Variants in SSTR1 observed in about 807,000 individuals in gnomAD.
SSTR1 encodes the protein somatostatin receptor 1.
In SSTR1, 10 loss-of-function variants were observed where a neutral mutation model predicts 20.7. That is an observed-to-expected ratio of 0.48 (90% CI 0.30 to 0.82). SSTR1 has a LOEUF of 0.82. Ranked by LOEUF, SSTR1 falls within the 40% of genes least tolerant of loss-of-function variation. The pLI, the probability that SSTR1 is intolerant of heterozygous loss-of-function variation, is 0.07. For synonymous variants in SSTR1, 267 were observed against 227.8 expected (o/e 1.17, Z -1.55); for missense variants, 494 against 540.0 (o/e 0.91, Z 0.84).
rs1172123933 is a variant in SSTR1 at position 38,209,738 on chromosome 14, T to G, written c.349T>G (p.Ser117Ala). 2 of 1,613,938 alleles carry G rather than the reference T, an allele frequency of 1.2e-6. No homozygotes were observed. The highest frequency in any genetic ancestry group is 3.3e-4 in the Middle Eastern group (2 of 6,084). Residue 117 changes from serine (S) to alanine (A), a missense_variant, in exon 3 of 3, where the codon TCC (serine) becomes GCC (alanine). Physicochemically the swap from Ser to Ala is moderately conservative, Grantham distance 99. This residue lies in a region of SSTR1 where 116 missense variants were observed against 174.6 expected (regional missense o/e 0.66). Coordinates refer to ENST00000267377, the MANE Select transcript of SSTR1 (RefSeq NM_001049.3). ...LMLSVPFLVT[S>A]TLLRHWPFGA... ...GCTCAGCGTGCCCTTCCTAGTCACC[T>G]CCACGTTGTTGCGCCACTGGCCCTT...
In SSTR1 at chr14:38,209,569, G is replaced by T. The variant is rs770081642; in HGVS notation, c.180G>T (p.Leu60=). Residue 60 remains leucine, a synonymous_variant, in exon 3 of 3, where the codon CTG becomes CTT. Transcript: ENST00000267377. Reference sequence around the variant, plus strand: ...GCGAGGGCCAGGGCAGCGCCATCCTGATCTCTTTCATCTACTCCGTGGTGT... The same window carrying T: ...GCGAGGGCCAGGGCAGCGCCATCCTTATCTCTTTCATCTACTCCGTGGTGT... ...TLSEGQGSAI[L]ISFIYSVVCL... is the part of the protein sequence containing the mutation. 3 of 1,612,052 alleles carry T rather than the reference G, an allele frequency of 1.9e-6. No homozygotes were observed. Among genetic ancestry groups the T allele is most frequent in the Non-Finnish European group, 2.5e-6 (3 of 1,178,760 alleles).
rs139493269 is a variant in SSTR1 at position 38,212,800 on chromosome 14, G to A, written c.*2235G>A. 843 of 167,138 alleles carry A rather than the reference G, an allele frequency of 5.0e-3. 5 individuals are homozygous for A. The highest frequency in any genetic ancestry group is 7.6e-3 in the Non-Finnish European group (520 of 68,104). 10.4% of individuals were successfully genotyped at this position (167,138 alleles called of 1,614,324 possible). ...ACAACTTTGTGCTTTCCTGAAAGCA[G>A]TAACCAAGAGTTAAGATATCCCTAA... On this transcript the variant is annotated 3_prime_UTR_variant, in exon 3 of 3. Transcript: ENST00000267377.
chr14:38,209,560 C>A lies in SSTR1; in HGVS notation c.171C>A (p.Ser57Arg). The change falls in exon 3 of 3, where the codon AGC becomes AGA. Residue 57 changes from serine (S) to arginine (R), a missense_variant. Physicochemically the swap from Ser to Arg is moderately radical, Grantham distance 110 (BLOSUM62 -1). This residue lies in a region of SSTR1 where 116 missense variants were observed against 174.6 expected (regional missense o/e 0.66). Transcript: ENST00000267377. ...GGACCTTGAGCGAGGGCCAGGGCAGCGCCATCCTGATCTCTTTCATCTACT... is the reference window on the plus strand; with the variant it reads ...GGACCTTGAGCGAGGGCCAGGGCAGAGCCATCCTGATCTCTTTCATCTACT... ...QNGTLSEGQGSAILISFIYSV... is the reference protein window; with the variant it reads ...QNGTLSEGQGRAILISFIYSV... 6.2e-7 allele frequency: 1 copy of A among 1,609,434 alleles called. No individual in the cohort carries two copies. Among genetic ancestry groups the A allele is most frequent in the Non-Finnish European group, 8.5e-7 (1 of 1,177,192 alleles).
At chr14:38,208,739 G>A (rs1883261716) in intron 2 of SSTR1, 130 bp downstream of exon 2, 1 of 152,604 alleles carries the variant, frequency 6.6e-6, no homozygotes, top group Non-Finnish European at 1.5e-5. Context: ...GGGCAGCAAT[G>A]GAGGGAAACT....
Position 38,209,229 on chromosome 14 carries a change from C to T in SSTR1, c.-161C>T. The T allele has an allele frequency of 1.1e-6, 1 of 905,308 alleles. No homozygotes were observed. The highest frequency in any genetic ancestry group is 1.5e-6 in the Non-Finnish European group (1 of 668,338). The allele number at this position is 905,308 out of a possible 1,614,324, so 56.1% of individuals were successfully genotyped here. On this transcript the variant is annotated 5_prime_UTR_variant, in exon 3 of 3. Coordinates refer to ENST00000267377, the MANE Select transcript of SSTR1 (RefSeq NM_001049.3). ...GCTGGGCTGTGCGCCCCGCCGGCGC[C>T]GGTAGGAGCCGCGCTCCCCGCAGCG...
chr14:38,210,718 C>T lies in SSTR1; in HGVS notation c.*153C>T. The T allele has an allele frequency of 1.4e-6, 2 of 1,432,656 alleles. No homozygotes were observed. Among genetic ancestry groups the T allele is most frequent in the Non-Finnish European group, 9.2e-7 (1 of 1,089,912 alleles). 88.7% of individuals were successfully genotyped at this position (1,432,656 alleles called of 1,614,324 possible). On this transcript the variant is annotated 3_prime_UTR_variant, in exon 3 of 3. Coordinates refer to ENST00000267377, the MANE Select transcript of SSTR1 (RefSeq NM_001049.3). Reference sequence around the variant, plus strand: ...AACGTGGGGCTAGGACACTGACAGCCTTTGATGGAGGAACCCAAGAAAGGC... The same window carrying T: ...AACGTGGGGCTAGGACACTGACAGCTTTTGATGGAGGAACCCAAGAAAGGC...
At position 38,209,440 on chromosome 14, in the gene SSTR1, C is replaced by A; in HGVS notation, c.51C>A (p.Ser17Arg). 1 of 1,550,280 alleles carries A rather than the reference C, an allele frequency of 6.5e-7. No homozygotes were observed. Among genetic ancestry groups the A allele is most frequent in the Non-Finnish European group, 8.7e-7 (1 of 1,149,486 alleles). Residue 17 changes from serine (S) to arginine (R), a missense_variant, in exon 3 of 3, where the codon AGC (serine) becomes AGA (arginine). Around this residue, in one of 3 missense-constraint regions of SSTR1, gnomAD observed 98 missense variants for 79.3 expected, o/e 1.24. Coordinates refer to ENST00000267377, the MANE Select transcript of SSTR1 (RefSeq NM_001049.3). ...CTCCTTCCTCCTCTCCTAGCCCCAGCCCGGGCAGCTGCGGCGAAGGCGGCG... is the reference window on the plus strand; with the variant it reads ...CTCCTTCCTCCTCTCCTAGCCCCAGACCGGGCAGCTGCGGCGAAGGCGGCG... ...ASSPSSSPSP[S>R]PGSCGEGGGS...
Position 38,211,237 on chromosome 14 carries a change from C to T in SSTR1, c.*672C>T, listed in dbSNP as rs1883322791. ...CCCTCTCGCCGCCCGCCCGCCACCA[C>T]CACTCTCACTCCACCCAGAGTAGAG... On this transcript the variant is annotated 3_prime_UTR_variant, in exon 3 of 3. Transcript: ENST00000267377. 1 of 167,082 alleles carries T rather than the reference C, an allele frequency of 6.0e-6. No individual in the cohort carries two copies. The highest frequency in any genetic ancestry group is 2.1e-4 in the South Asian group (1 of 4,814). 10.3% of individuals were successfully genotyped at this position (167,082 alleles called of 1,614,324 possible).
chr14:38,209,208 G>C lies in SSTR1; in HGVS notation c.-182G>C, dbSNP rs1566438347. 1 of 685,220 alleles carries C rather than the reference G, an allele frequency of 1.5e-6. No individual in the cohort carries two copies. The highest frequency in any genetic ancestry group is 1.9e-5 in the African/African-American group (1 of 52,706). 42.4% of individuals were successfully genotyped at this position (685,220 alleles called of 1,614,324 possible). ...AACTGCAGAGCCCAGGCAACCGCTG[G>C]GCTGTGCGCCCCGCCGGCGCCGGTA... On this transcript the variant is annotated 5_prime_UTR_variant, in exon 3 of 3. Coordinates refer to ENST00000267377, the MANE Select transcript of SSTR1 (RefSeq NM_001049.3).
Position 38,209,379 on chromosome 14 carries a change from C to T in SSTR1, c.-11C>T. On this transcript the variant is annotated 5_prime_UTR_variant, in exon 3 of 3. Coordinates refer to ENST00000267377, the MANE Select transcript of SSTR1 (RefSeq NM_001049.3). The stretch of plus-strand genomic sequence containing the variant: ...CAGCCCTGGCAGCCCCACTGGCCCC[C>T]CTCAGCTGGGATGTTCCCCAATGGC... 1 of 1,482,552 alleles carries T rather than the reference C, an allele frequency of 6.7e-7. No individual in the cohort carries two copies. The highest frequency in any genetic ancestry group is 1.4e-5 in the South Asian group (1 of 70,482). The allele number at this position is 1,482,552 out of a possible 1,614,324, so 91.8% of individuals were successfully genotyped here. A position where few individuals can be genotyped will look rare whatever the true frequency, so the allele number is the denominator to read the frequency against.
chr14:38,208,577 T>C lies in SSTR1; in HGVS notation c.-377T>C, dbSNP rs1883258764. ...CCGCACATGCACTTTGCACCGACCA[T>C]CTACGTCTCAGTCTGGAGGTTGCGC... On this transcript the variant is annotated 5_prime_UTR_variant, in exon 2 of 3. Coordinates refer to ENST00000267377, the MANE Select transcript of SSTR1 (RefSeq NM_001049.3). 6.6e-6 allele frequency: 1 copy of C among 152,226 alleles called. No homozygotes were observed. Among genetic ancestry groups the C allele is most frequent in the Admixed American group, 6.5e-5 (1 of 15,284 alleles). 9.4% of individuals were successfully genotyped at this position (152,226 alleles called of 1,614,324 possible).
chr14:38,209,507 G>T lies in SSTR1; in HGVS notation c.118G>T (p.Glu40Ter). ...PGAGAADGME[E>*]PGRNASQNGT... ...GGCCGGCGCTGCGGACGGCATGGAG[G>T]AGCCAGGGCGAAATGCGTCCCAGAA... The change falls in exon 3 of 3, where the codon GAG becomes TAG. Residue 40 changes from glutamate (E) to a stop codon, truncating the protein, a stop_gained. Coordinates refer to ENST00000267377, the MANE Select transcript of SSTR1 (RefSeq NM_001049.3). LOFTEE classifies it high-confidence loss of function. The T allele has an allele frequency of 6.3e-7, 1 of 1,588,186 alleles. No individual in the cohort carries two copies. The highest frequency in any genetic ancestry group is 8.6e-7 in the Non-Finnish European group (1 of 1,165,872).
rs1208138695 is a variant in SSTR1 at position 38,210,703 on chromosome 14, T to G, written c.*138T>G. ...GGGTGCTGTCGGGATAACGTGGGGC[T>G]AGGACACTGACAGCCTTTGATGGAG... On this transcript the variant is annotated 3_prime_UTR_variant, in exon 3 of 3. Transcript: ENST00000267377. 3.5e-6 allele frequency: 5 copies of G among 1,444,372 alleles called. No individual in the cohort carries two copies. The highest frequency in any genetic ancestry group is 3.6e-6 in the Non-Finnish European group (4 of 1,096,948). 89.5% of individuals were successfully genotyped at this position (1,444,372 alleles called of 1,614,324 possible).
chr14:38,209,572 C>T lies in SSTR1; in HGVS notation c.183C>T (p.Ile61=). ...LSEGQGSAIL[I]SFIYSVVCLV... ...AGGGCCAGGGCAGCGCCATCCTGAT[C>T]TCTTTCATCTACTCCGTGGTGTGCC... Residue 61 remains isoleucine (I), a synonymous_variant, in exon 3 of 3, where the codon ATC becomes ATT. Coordinates refer to ENST00000267377, the MANE Select transcript of SSTR1 (RefSeq NM_001049.3). 6.2e-7 allele frequency: 1 copy of T among 1,612,154 alleles called. No individual in the cohort carries two copies. The highest frequency in any genetic ancestry group is 2.2e-5 in the East Asian group (1 of 44,788).
Position 38,209,253 on chromosome 14 carries a change from CG to C in SSTR1, c.-135del, listed in dbSNP as rs1295916933. The C allele has an allele frequency of 6.3e-6, 7 of 1,102,774 alleles. No homozygotes were observed. The highest frequency in any genetic ancestry group is 3.9e-5 in the Admixed American group (1 of 25,422). The allele number at this position is 1,102,774 out of a possible 1,614,324, so 68.3% of individuals were successfully genotyped here. A position where few individuals can be genotyped will look rare whatever the true frequency, so the allele number is the denominator to read the frequency against. The stretch of plus-strand genomic sequence containing the variant: ...CCGGTAGGAGCCGCGCTCCCCGCAG[CG>C]GTTGCGCTCTACCCGGAGGCGCTGG... On this transcript the variant is annotated 5_prime_UTR_variant, in exon 3 of 3. Transcript: ENST00000267377.
At position 38,209,841 on chromosome 14, in the gene SSTR1, T is replaced by C; in HGVS notation, c.452T>C (p.Leu151Pro). 3.7e-6 allele frequency: 6 copies of C among 1,613,916 alleles called. No individual in the cohort carries two copies. Among genetic ancestry groups the C allele is most frequent in the Non-Finnish European group, 5.1e-6 (6 of 1,180,042 alleles). The change falls in exon 3 of 3, where the codon CTC becomes CCC. Residue 151 changes from leucine to proline, a missense_variant. Around this residue, in one of 3 missense-constraint regions of SSTR1, gnomAD observed 116 missense variants for 174.6 expected, o/e 0.66. Coordinates refer to ENST00000267377, the MANE Select transcript of SSTR1 (RefSeq NM_001049.3). ...MFTSIYCLTV[L>P]SVDRYVAVVH... is the part of the protein sequence containing the mutation. The stretch of plus-strand genomic sequence containing the variant: ...ACCAGCATCTACTGTCTGACTGTGC[T>C]CAGCGTGGACCGCTACGTGGCCGTG...
In SSTR1 at chr14:38,209,376, C is replaced by T. The variant is rs1883277125; in HGVS notation, c.-14C>T. On this transcript the variant is annotated 5_prime_UTR_variant, in exon 3 of 3. Transcript: ENST00000267377. ...CCCCAGCCCTGGCAGCCCCACTGGCCCCCCTCAGCTGGGATGTTCCCCAAT... is the reference window on the plus strand; with the variant it reads ...CCCCAGCCCTGGCAGCCCCACTGGCTCCCCTCAGCTGGGATGTTCCCCAAT... 12 of 1,477,930 alleles carry T rather than the reference C, an allele frequency of 8.1e-6. No homozygotes were observed. The highest frequency in any genetic ancestry group is 2.4e-5 in the East Asian group (1 of 41,010). 91.6% of individuals were successfully genotyped at this position (1,477,930 alleles called of 1,614,324 possible).
Position 38,209,196 on chromosome 14 carries a change from AG to A in SSTR1, c.-192del. 1 of 587,596 alleles carries A rather than the reference AG, an allele frequency of 1.7e-6. No homozygotes were observed. Among genetic ancestry groups the A allele is most frequent in the Non-Finnish European group, 2.6e-6 (1 of 384,866 alleles). The allele number at this position is 587,596 out of a possible 1,614,324, so 36.4% of individuals were successfully genotyped here. On this transcript the variant is annotated 5_prime_UTR_variant, in exon 3 of 3. Transcript: ENST00000267377. ...CCCGGAGCTGCAAACTGCAGAGCCC[AG>A]GCAACCGCTGGGCTGTGCGCCCCGC... is the stretch of plus-strand genomic sequence containing the variant.
chr14:38,209,316 G>A lies in SSTR1; in HGVS notation c.-74G>A. 3 of 1,414,910 alleles carry A rather than the reference G, an allele frequency of 2.1e-6. No homozygotes were observed. Among genetic ancestry groups the A allele is most frequent in the Non-Finnish European group, 2.8e-6 (3 of 1,086,416 alleles). The allele number at this position is 1,414,910 out of a possible 1,614,324, so 87.6% of individuals were successfully genotyped here. ...CTGCAGGCAAGCGGTCGGGTGGGGA[G>A]GGAGGGCGCAGGCGGCGGGTGCGCG... On this transcript the variant is annotated 5_prime_UTR_variant, in exon 3 of 3. Transcript: ENST00000267377.
Sources: allele counts gnomAD v4.1 joint callset, GRCh38; gene constraint gnomAD v4.1.1; regional missense constraint gnomAD v4.1.1; transcripts MANE v1.5; gene names NCBI Gene and HGNC (gene_info 2026-07-23, HGNC 2026-07-21).